The following DNM3 variants were observed in gnomAD, a reference collection of about 807,000 sequenced individuals.
The protein encoded by DNM3 is dynamin 3.
Under a neutral mutation model 101.6 loss-of-function variants are expected in DNM3, and 47 were observed. The ratio of observed to expected loss-of-function variants is 0.46; its 90% CI spans 0.37 to 0.59. The LOEUF (loss-of-function observed/expected upper bound fraction) is 0.59, where lower values mean the gene tolerates loss of function less well. Ranked by LOEUF, DNM3 falls within the 20% of genes least tolerant of loss-of-function variation. The pLI is 0.00. For synonymous variants in DNM3, 385 were observed against 387.9 expected (o/e 0.99, Z 0.09); for missense variants, 849 against 1,085.7 (o/e 0.78, Z 3.06).
At chr1:172,022,551 T>TA (rs1262841425) in intron 4 of DNM3, among the ~76,000 whole-genome samples, 1 of 152,094 alleles carries the variant, frequency 6.6e-6, no homozygotes, top group African/African-American at 2.4e-5. Context: ...ACTTTTATTT[T>TA]TATTAGAGCT....
intron 2 of DNM3, among the ~76,000 whole-genome samples, chr1:171,965,586 A>G (rs2043528276): frequency 6.6e-6 from 1 of 151,552 alleles, no homozygotes; most frequent in Admixed American, 6.6e-5. Flanking sequence ...GGGGATGGAT[A>G]TTATAAAGGA....
At chr1:172,404,497 A>G (rs1402132089) in intron 20 of DNM3, among the ~76,000 whole-genome samples, 1 of 152,046 alleles carries the variant, frequency 6.6e-6, no homozygotes, top group Admixed American at 6.6e-5. Flanking sequence ...GCCTGCTACT[A>G]TTGTGCTCTT....
At chr1:172,397,147 G>T (rs2070074900) in intron 20 of DNM3, 1 of 152,542 alleles carries the variant, frequency 6.6e-6, no homozygotes, top group Non-Finnish European at 1.5e-5. Flanking sequence ...TAAGAACTGA[G>T]GAAAATGTCT....
At chr1:172,350,065 A>T (rs1313965475) in intron 17 of DNM3, among the ~76,000 whole-genome samples, 1 of 152,148 alleles carries the variant, frequency 6.6e-6, no homozygotes, top group African/African-American at 2.4e-5. Context: ...ATTGGTATCG[A>T]TTTCTGAAAA....
chr1:172,166,002 C>A (rs969222471), intron 14 of DNM3, among the ~76,000 whole-genome samples: 1 of 151,872 alleles, frequency 6.6e-6, no homozygotes, highest in Non-Finnish European at 1.5e-5. Context: ...TTCTTGTTTC[C>A]CCCTGGCCAG....
At chr1:172,302,172 C>G (rs573559672) in intron 15 of DNM3, among the ~76,000 whole-genome samples, 2 of 152,342 alleles carry the variant, frequency 1.3e-5, no homozygotes, top group African/African-American at 4.8e-5. Flanking sequence ...CGACTAAATA[C>G]TGTGCTTTTC....
intron 2 of DNM3, among the ~76,000 whole-genome samples, chr1:171,922,483 C>T (rs183747845): frequency 1.0e-3 from 158 of 152,250 alleles, no homozygotes; most frequent in Non-Finnish European, 1.7e-3. Flanking sequence ...AAGACTGAAG[C>T]ACCTCATAAA....
At chr1:172,327,518 T>C (rs762953161) in intron 17 of DNM3, among the ~76,000 whole-genome samples, 2 of 152,178 alleles carry the variant, frequency 1.3e-5, no homozygotes, top group Non-Finnish European at 2.9e-5. Context: ...TGATGATGCG[T>C]GTTATAATCA....
At chr1:172,281,979 C>T (rs1450912448) in intron 15 of DNM3, among the ~76,000 whole-genome samples, 1 of 152,124 alleles carries the variant, frequency 6.6e-6, no homozygotes. Context: ...CAATTCTTTG[C>T]TCTGAAATTT....
chr1:172,151,430 G>A (rs1291811415), intron 14 of DNM3, among the ~76,000 whole-genome samples: 1 of 152,110 alleles, frequency 6.6e-6, no homozygotes, highest in African/African-American at 2.4e-5. Flanking sequence ...CACATTTTGT[G>A]TACTATTGGT....
At chr1:171,921,695 A>G (rs940705028) in intron 1 of DNM3, 53 bp from the exon 2 acceptor site, 5 of 1,451,438 alleles carry the variant, frequency 3.4e-6, no homozygotes, top group Admixed American at 3.9e-5. Context: ...TTATGAATGT[A>G]CAGGTGATAA....
At chr1:171,981,000 A>T (rs978704330) in intron 2 of DNM3, among the ~76,000 whole-genome samples, 1 of 151,660 alleles carries the variant, frequency 6.6e-6, no homozygotes, top group Non-Finnish European at 1.5e-5. Flanking sequence ...CGAACTCCTG[A>T]CCTCAGGTGA....
chr1:171,892,855 G>T (rs1289204674), intron 1 of DNM3, among the ~76,000 whole-genome samples: 1 of 149,860 alleles, frequency 6.7e-6, no homozygotes, highest in Non-Finnish European at 1.5e-5. Context: ...AGCAGTTCAT[G>T]ATAGGGTTTA....
At chr1:172,004,626 A>G (rs1299614165) in intron 4 of DNM3, among the ~76,000 whole-genome samples, 1 of 152,026 alleles carries the variant, frequency 6.6e-6, no homozygotes, top group Admixed American at 6.6e-5. Context: ...TTCCAAAGCA[A>G]TGTTTTAATG....
intron 16 of DNM3, among the ~76,000 whole-genome samples, chr1:172,316,003 C>T (rs571836399): frequency 6.6e-6 from 1 of 151,966 alleles, no homozygotes; most frequent in South Asian, 2.1e-4. Context: ...GTCGGGTTAC[C>T]CACAAAGGGA....
rs998156368 is a variant in DNM3 at position 172,396,829 on chromosome 1, T to C, written c.2522+8020T>C. Among the ~76,000 whole-genome samples, 7 of 152,338 alleles carry C rather than the reference T, an allele frequency of 4.6e-5. No individual in the cohort carries two copies. In the South Asian group the frequency reaches 1.4e-3, roughly 32 times the overall value. On this transcript the variant is annotated intron_variant, in intron 20 of 20. Coordinates refer to ENST00000627582, the MANE Select transcript of DNM3 (RefSeq NM_015569.5). Reference sequence around the variant, plus strand: ...TTTCATTTATCTCAAAAGATTAGTATATATCTCATCTAGAATGAGACCTCT... The same window carrying C: ...TTTCATTTATCTCAAAAGATTAGTACATATCTCATCTAGAATGAGACCTCT...
intron 14 of DNM3, chr1:172,137,852 A>T (rs904845729): frequency 6.6e-6 from 1 of 152,112 alleles, no homozygotes; most frequent in African/African-American, 2.4e-5. Context: ...ATCCCTTATC[A>T]TTTCACTCCA....
At chr1:172,270,259 GAAA>G (rs553666549) in intron 15 of DNM3, among the ~76,000 whole-genome samples, 1 of 105,208 alleles carries the variant, frequency 9.5e-6, no homozygotes, top group Admixed American at 9.8e-5. Context: ...TCTTGAATTT[GAAA>G]AAAAAAAAAA....
chr1:172,044,439 A>G lies in DNM3; in HGVS notation c.1183A>G (p.Ile395Val), dbSNP rs374106553. Residue 395 changes from isoleucine to valine, a missense_variant, in exon 9 of 21, where the codon ATA (isoleucine) becomes GTA (valine). Ile to Val is a conservative substitution (Grantham distance 29). This residue lies in a region of DNM3 where 7 missense variants were observed against 29.2 expected (regional missense o/e 0.24). Transcript: ENST00000627582. Reference protein sequence around the residue: ...RREISYAIKNIHGIRTGLFTP... With the variant: ...RREISYAIKNVHGIRTGLFTP... The stretch of plus-strand genomic sequence containing the variant: ...AGAAATAAGCTATGCAATCAAAAAC[A>G]TACATGGTATCAGGCAAGTGATTCA... The G allele has an allele frequency of 2.5e-6, 4 of 1,607,218 alleles. No homozygotes were observed. Among genetic ancestry groups the G allele is most frequent in the Non-Finnish European group, 3.4e-6 (4 of 1,176,886 alleles).
Sources: gnomAD v4.1 joint callset for allele counts (sites outside exome capture counted in the v4.1 genomes callset) on GRCh38, gnomAD v4.1.1 for gene constraint, gnomAD v4.1.1 regional missense constraint, MANE v1.5 for transcripts, NCBI Gene and HGNC (gene_info 2026-07-23, HGNC 2026-07-21) for gene names.